Variants in HMGA2 observed in about 807,000 individuals in gnomAD.
HMGA2 encodes high mobility group AT-hook 2.
HMGA2 carries 8 observed loss-of-function variants against 19.1 expected under a neutral mutation model. The observed-to-expected ratio is 0.42, with a 90% CI of 0.25 to 0.76. The LOEUF (loss-of-function observed/expected upper bound fraction) is 0.76. HMGA2 is among the 30% of genes least tolerant of loss of function. HMGA2 has a pLI of 0.28. For missense variants in HMGA2, 109 were observed against 136.3 expected (o/e 0.80, Z 1.00); for synonymous variants, 60 against 48.8 (o/e 1.23, Z -0.96).
chr12:65,846,275 C>T lies in HMGA2; in HGVS notation c.249+7706C>T, dbSNP rs187938117. Among the ~76,000 whole-genome samples the T allele has an allele frequency of 2.1e-4, 32 of 152,302 alleles. No homozygotes were observed. In the East Asian group the frequency reaches 2.9e-3, roughly 14 times the overall value. On this transcript the variant is annotated intron_variant, in intron 3 of 4. Transcript: ENST00000403681. ...CCCTTTTGAGCATTTCCTTAGTAAA[C>T]GATGAATGGCTGCTGGTCAAGCTTG...
At chr12:65,827,366 T>C (rs1237250931) in intron 1 of HMGA2, among the ~76,000 whole-genome samples, 10 of 152,310 alleles carry the variant, frequency 6.6e-5, no homozygotes, top group Middle Eastern at 3.4e-3. Context: ...TTGAAGCAAT[T>C]AACTAGATGA....
intron 3 of HMGA2, among the ~76,000 whole-genome samples, chr12:65,907,963 ACT>A (rs1202878898): frequency 6.6e-6 from 1 of 151,820 alleles, no homozygotes; most frequent in East Asian, 1.9e-4. Context: ...AGGTAGCTTG[ACT>A]CTCTTTTTAC....
chr12:65,835,216 T>C (rs1293633346), intron 2 of HMGA2, among the ~76,000 whole-genome samples: 1 of 152,222 alleles, frequency 6.6e-6, no homozygotes, highest in Non-Finnish European at 1.5e-5. Context: ...CTGAATGTTT[T>C]GTTTGTCTTT....
intron 3 of HMGA2, among the ~76,000 whole-genome samples, chr12:65,939,003 T>A (rs1003696467): frequency 1.3e-5 from 2 of 152,140 alleles, no homozygotes; most frequent in Admixed American, 1.3e-4. Context: ...TTATGAGATA[T>A]ATGGAAGGTA....
chr12:65,838,292 G>T (rs1395860211), intron 2 of HMGA2, among the ~76,000 whole-genome samples: 1 of 151,770 alleles, frequency 6.6e-6, no homozygotes, highest in Non-Finnish European at 1.5e-5. Flanking sequence ...TTAGGGCGAG[G>T]GGTTGCATAG....
At chr12:65,908,323 A>AT (rs1874694151) in intron 3 of HMGA2, among the ~76,000 whole-genome samples, 1 of 152,144 alleles carries the variant, frequency 6.6e-6, no homozygotes, top group African/African-American at 2.4e-5. Flanking sequence ...TTAGCTCGGC[A>AT]TATCTCACAC....
At position 65,867,410 on chromosome 12, in the gene HMGA2, C is replaced by T. The variant is rs144047063; in HGVS notation, c.249+28841C>T. 1.6e-3 allele frequency: 709 copies of T among 433,830 alleles called. 1 individual carries two copies. The highest frequency in any genetic ancestry group is 5.4e-3 in the Middle Eastern group (16 of 2,948). The allele number at this position is 433,830 out of a possible 1,614,324, so 26.9% of individuals were successfully genotyped here. A position where few individuals can be genotyped will look rare whatever the true frequency, so the allele number is the denominator to read the frequency against. ...TTAGTGGGAAAGCCAGGAACCAGCA[C>T]ACTTGGAGTGTCATCTGAGCAGGAG... On this transcript the variant is annotated intron_variant, in intron 3 of 4. Transcript: ENST00000403681.
At chr12:65,842,879 A>G (rs1871062670) in intron 3 of HMGA2, 1 of 1,278,422 alleles carries the variant, frequency 7.8e-7, no homozygotes, top group Non-Finnish European at 9.9e-7. Flanking sequence ...AGTGGGGCTC[A>G]GGCTCAAGAA....
rs1171163992 is a variant in HMGA2 at position 65,927,747 on chromosome 12, TC to T, written c.250-23635del. Among the ~76,000 whole-genome samples, 3 of 152,110 alleles carry T rather than the reference TC, an allele frequency of 2.0e-5. No individual in the cohort carries two copies. The East Asian group carries it at 5.8e-4, about 29-fold the overall frequency. Reference sequence around the variant, plus strand: ...GGATTAATACAAACTTCTCTTGTCCTCAGGTAATACAAATACCTGTCCTCAT... The same window carrying T: ...GGATTAATACAAACTTCTCTTGTCCTAGGTAATACAAATACCTGTCCTCAT... On this transcript the variant is annotated intron_variant, in intron 3 of 4. Transcript: ENST00000403681.
chr12:65,952,336 C>G, intron 4 of HMGA2: 1 of 1,525,960 alleles, frequency 6.6e-7, no homozygotes, highest in South Asian at 1.2e-5. Flanking sequence ...ACAAATCTAC[C>G]TTGCATCCTG....
intron 3 of HMGA2, among the ~76,000 whole-genome samples, chr12:65,916,378 G>T (rs947989401): frequency 6.6e-6 from 1 of 152,218 alleles, no homozygotes; most frequent in African/African-American, 2.4e-5. Context: ...CTGGACTGCA[G>T]ATAGGTCTTT....
At chr12:65,907,454 T>G in intron 3 of HMGA2, among the ~76,000 whole-genome samples, 1 of 148,642 alleles carries the variant, frequency 6.7e-6, no homozygotes, top group Non-Finnish European at 1.5e-5. Flanking sequence ...AGTGCTCTGA[T>G]AGTCATATGC....
chr12:65,858,402 T>C (rs1871859582), intron 3 of HMGA2: 1 of 152,176 alleles, frequency 6.6e-6, no homozygotes, highest in Non-Finnish European at 1.5e-5. Flanking sequence ...GTGACATCTT[T>C]GGAAACACCA....
At chr12:65,929,713 C>G (rs928167610) in intron 3 of HMGA2, among the ~76,000 whole-genome samples, 2 of 152,022 alleles carry the variant, frequency 1.3e-5, no homozygotes, top group African/African-American at 4.8e-5. Flanking sequence ...GCACCTTACA[C>G]GAAACACTTT....
rs1448067157 is a variant in HMGA2 at position 65,941,399 on chromosome 12, T to A, written c.250-9984T>A. 2.0e-5 allele frequency among the ~76,000 whole-genome samples: 3 copies of A among 152,104 alleles called. No individual in the cohort carries two copies. The East Asian group carries it at 5.8e-4, about 29-fold the overall frequency. On this transcript the variant is annotated intron_variant, in intron 3 of 4. Coordinates refer to ENST00000403681, the MANE Select transcript of HMGA2 (RefSeq NM_003483.6). ...AGAAAGAACTCACTTCACAACTGTT[T>A]AAAAACGTTAAGGATATAAGCTAAT...
chr12:65,947,340 C>T (rs960698780), intron 3 of HMGA2, among the ~76,000 whole-genome samples: 3 of 152,134 alleles, frequency 2.0e-5, no homozygotes, highest in African/African-American at 4.8e-5. Flanking sequence ...GTCTCGAACT[C>T]GTGAGCTCAA....
At chr12:65,953,531 A>G (rs1322470146) in intron 4 of HMGA2, 3 of 152,200 alleles carry the variant, frequency 2.0e-5, no homozygotes, top group Admixed American at 6.5e-5. Flanking sequence ...TATGGCTAGA[A>G]CTGATTGCAA....
At chr12:65,846,567 G>T (rs564180743) in intron 3 of HMGA2, among the ~76,000 whole-genome samples, 1 of 152,352 alleles carries the variant, frequency 6.6e-6, no homozygotes, top group South Asian at 2.1e-4. Context: ...TAAACGTGAT[G>T]TTGTGCAGAA....
At chr12:65,893,188 G>A (rs923438456) in intron 3 of HMGA2, among the ~76,000 whole-genome samples, 1 of 152,138 alleles carries the variant, frequency 6.6e-6, no homozygotes, top group African/African-American at 2.4e-5. Context: ...CTCAACTCTC[G>A]AATTGCTGTT....
Sources: gnomAD v4.1 joint callset for allele counts (sites outside exome capture counted in the v4.1 genomes callset) on GRCh38, gnomAD v4.1.1 for gene constraint, MANE v1.5 for transcripts, NCBI Gene and HGNC (gene_info 2026-07-23, HGNC 2026-07-21) for gene names.